Variants in RPA2 observed in about 807,000 individuals in gnomAD.
RPA2 encodes the protein replication protein A 32 kDa subunit.
A neutral mutation model predicts 33.4 loss-of-function variants in RPA2; 22 were observed. The ratio of observed to expected loss-of-function variants is 0.66; its 90% confidence interval spans 0.47 to 0.94. The LOEUF is 0.94. Ranked by LOEUF, RPA2 falls within the 40% of genes least tolerant of loss-of-function variation. The probability of loss-of-function intolerance (pLI) is 0.00; values close to 1 mark genes in which losing one functional copy is unlikely to be tolerated. For missense variants in RPA2, 279 were observed against 329.9 expected (o/e 0.85, Z 1.19); for synonymous variants, 109 against 114.9 (o/e 0.95, Z 0.33).
At chr1:27,892,304 G>A in intron 8 of RPA2, 57 bp from the exon 9 acceptor site, 2 of 1,436,082 alleles carry the variant, frequency 1.4e-6, no homozygotes, top group South Asian at 2.3e-5. Context: ...GAAGGAAACT[G>A]CCTTTTGGAT....
intron 8 of RPA2, 140 bp from the exon 9 acceptor site, chr1:27,892,387 A>G (rs2089835885): frequency 1.5e-6 from 1 of 654,982 alleles, no homozygotes; most frequent in Admixed American, 2.7e-5. Flanking sequence ...TATTCTGCAC[A>G]TAGAAAGCTC....
Position 27,894,304 on chromosome 1 carries a change from C to T in RPA2, c.619G>A (p.Val207Met), listed in dbSNP as rs766986933. 1 of 1,614,036 alleles carries T rather than the reference C, an allele frequency of 6.2e-7. No homozygotes were observed. Among genetic ancestry groups the T allele is most frequent in the Non-Finnish European group, 8.5e-7 (1 of 1,179,990 alleles). The change falls in exon 7 of 9, where the codon GTG becomes ATG. Residue 207 changes from valine to methionine, a missense_variant. By Grantham distance (21) the Val-to-Met change is conservative. Transcript: ENST00000373912. ...GTGGAGGTTACCTGGTTTTGGGCCACAGTGAGGCCATTTGCTGGCATGAAG... is the reference window on the plus strand; with the variant it reads ...GTGGAGGTTACCTGGTTTTGGGCCATAGTGAGGCCATTTGCTGGCATGAAG... Reference protein sequence around the residue: ...NSFMPANGLTVAQNQVLNLIK... With the variant: ...NSFMPANGLTMAQNQVLNLIK...
intron 6 of RPA2, among the ~76,000 whole-genome samples, chr1:27,895,730 C>CA (rs1010906333): frequency 1.7e-4 from 25 of 151,118 alleles, no homozygotes; most frequent in East Asian, 3.9e-4. Context: ...GACTCTGTCT[C>CA]AAAAAAAACA....
intron 5 of RPA2, 92 bp from the exon 6 acceptor site, chr1:27,897,213 A>C: frequency 1.2e-6 from 1 of 825,698 alleles, no homozygotes; most frequent in Non-Finnish European, 2.0e-6. Context: ...TATAATATTA[A>C]TATTTCACCA....
At chr1:27,914,407 T>C in intron 1 of RPA2, 27 bp downstream of exon 1, 10 of 1,611,516 alleles carry the variant, frequency 6.2e-6, no homozygotes, top group Non-Finnish European at 8.5e-6. Flanking sequence ...ATTCTCTTCC[T>C]CCTCCACCCC....
At chr1:27,900,295 A>G (rs556468940) in intron 4 of RPA2, among the ~76,000 whole-genome samples, 25 of 151,982 alleles carry the variant, frequency 1.6e-4, no homozygotes, top group Non-Finnish European at 3.4e-4. Flanking sequence ...CATTTTTAGT[A>G]GAGACGGGGT....
intron 2 of RPA2, among the ~76,000 whole-genome samples, chr1:27,907,625 G>C (rs1366692672): frequency 6.6e-6 from 1 of 152,132 alleles, no homozygotes; most frequent in East Asian, 1.9e-4. Context: ...CCAGCTTTAG[G>C]GTGTAGACAG....
At chr1:27,906,190 C>T (rs1026036424) in intron 4 of RPA2, among the ~76,000 whole-genome samples, 2 of 151,816 alleles carry the variant, frequency 1.3e-5, no homozygotes, top group Admixed American at 6.6e-5. Flanking sequence ...GCCAACATGG[C>T]AAAACCCCAT....
At chr1:27,893,970 G>A in intron 8 of RPA2, 42 bp downstream of exon 8, 2 of 1,531,264 alleles carry the variant, frequency 1.3e-6, no homozygotes, top group African/African-American at 1.4e-5. Context: ...GGTGAAATAG[G>A]TACAATGCCA....
intron 7 of RPA2, 22 bp from the exon 8 acceptor site, chr1:27,894,128 A>G: frequency 6.2e-7 from 1 of 1,606,624 alleles, no homozygotes. Flanking sequence ...AATCAGAAAG[A>G]TTTTAGCAAT....
At position 27,894,214 on chromosome 1, in the gene RPA2, G is replaced by A. The variant is rs947005164; in HGVS notation, c.633+76C>T. On this transcript the variant is annotated intron_variant, in intron 7 of 8. Coordinates refer to ENST00000373912, the MANE Select transcript of RPA2 (RefSeq NM_002946.5). ...AAATGAACCAGGTACTTAAACAGTC[G>A]TAGCTCATTAAGGAAGTAACAAAAT... The A allele has an allele frequency of 3.6e-5, 55 of 1,510,968 alleles. 1 individual carries two copies. The Middle Eastern group carries it at 5.1e-4, about 14-fold the overall frequency. 93.6% of individuals were successfully genotyped at this position (1,510,968 alleles called of 1,614,324 possible). A position where few individuals can be genotyped will look rare whatever the true frequency, so the allele number is the denominator to read the frequency against.
Position 27,907,281 on chromosome 1 carries a change from C to G in RPA2, c.119G>C (p.Arg40Thr). ...PAPSQAEKKS[R>T]ARAQHIVPCT... Reference sequence around the variant, plus strand: ...GGGCACAATGTGCTGGGCTCGGGCTCTCTGAAAAGAAAAAACATGCAAAAT... The same window carrying G: ...GGGCACAATGTGCTGGGCTCGGGCTGTCTGAAAAGAAAAAACATGCAAAAT... The change falls in exon 3 of 9, where the codon AGA becomes ACA. Residue 40 changes from arginine (R) to threonine (T), a missense_variant and splice_region_variant. Around this residue, in one of 2 missense-constraint regions of RPA2, gnomAD observed 274 missense variants for 310.3 expected, o/e 0.88. Transcript: ENST00000373912. 1 of 1,593,100 alleles carries G rather than the reference C, an allele frequency of 6.3e-7. No homozygotes were observed. Among genetic ancestry groups the G allele is most frequent in the Non-Finnish European group, 8.5e-7 (1 of 1,173,168 alleles).
At position 27,897,679 on chromosome 1, in the gene RPA2, G is replaced by A; in HGVS notation, c.362C>T (p.Pro121Leu). The part of the protein sequence containing the change: ...DDTSSENTVV[P>L]PETYVKVAGH... ...TGCCACTTTCACATATGTTTCTGGA[G>A]GAACCACAGTGTTTTCACTGCTGGT... Residue 121 changes from proline (P) to leucine (L), a missense_variant, in exon 5 of 9, where the codon CCT becomes CTT. Physicochemically the swap from Pro to Leu is moderately conservative, Grantham distance 98 (BLOSUM62 -3). Coordinates refer to ENST00000373912, the MANE Select transcript of RPA2 (RefSeq NM_002946.5). 6.2e-7 allele frequency: 1 copy of A among 1,601,298 alleles called. No homozygotes were observed. The highest frequency in any genetic ancestry group is 1.1e-5 in the South Asian group (1 of 87,938).
At chr1:27,914,770 G>C (rs1222554270), upstream of RPA2, 14 of 1,229,572 alleles carry the variant, frequency 1.1e-5, no homozygotes, top group Non-Finnish European at 1.5e-5. Flanking sequence ...TGGCAGAGCG[G>C]TATCGCAAGA....
chr1:27,893,918 T>C (rs1189989094), intron 8 of RPA2, 94 bp downstream of exon 8: 1 of 1,099,060 alleles, frequency 9.1e-7, no homozygotes, highest in African/African-American at 1.6e-5. Flanking sequence ...TGCCAAGTTT[T>C]ACTTTTTAAA....
chr1:27,913,807 T>C (rs1191031718), intron 2 of RPA2, among the ~76,000 whole-genome samples: 1 of 152,082 alleles, frequency 6.6e-6, no homozygotes, highest in Non-Finnish European at 1.5e-5. Context: ...CACACAAGAC[T>C]GATTCATTAG....
chr1:27,899,583 G>A (rs1446644193), intron 4 of RPA2, among the ~76,000 whole-genome samples: 1 of 149,650 alleles, frequency 6.7e-6, no homozygotes, highest in Non-Finnish European at 1.5e-5. Context: ...GAATCCACTT[G>A]AGAAAAGATC....
At chr1:27,893,377 C>G (rs913165019) in intron 8 of RPA2, among the ~76,000 whole-genome samples, 1 of 152,174 alleles carries the variant, frequency 6.6e-6, no homozygotes, top group Non-Finnish European at 1.5e-5. Flanking sequence ...ACAATGATGG[C>G]TCACTGCAGC....
At chr1:27,912,209 T>C (rs1412227772) in intron 2 of RPA2, among the ~76,000 whole-genome samples, 1 of 151,764 alleles carries the variant, frequency 6.6e-6, no homozygotes, top group Non-Finnish European at 1.5e-5. Context: ...TAAAGAGAAG[T>C]CAAATTAACC....
Sources: allele counts gnomAD v4.1 joint callset (sites outside exome capture counted in the v4.1 genomes callset), GRCh38; gene constraint gnomAD v4.1.1; regional missense constraint gnomAD v4.1.1; transcripts MANE v1.5; gene names NCBI Gene and HGNC (gene_info 2026-07-23, HGNC 2026-07-21).